Variants in SS18 observed in about 807,000 individuals in gnomAD.
The protein encoded by SS18 is SS18 subunit of BAF chromatin remodeling complex, also known as protein SSXT.
SS18 carries 28 observed loss-of-function variants against 72.5 expected under a neutral mutation model. That is an observed-to-expected ratio of 0.39 (90% CI 0.29 to 0.53). The LOEUF (loss-of-function observed/expected upper bound fraction) is 0.53. Ranked by LOEUF, SS18 falls within the 20% of genes least tolerant of loss-of-function variation. The probability of loss-of-function intolerance (pLI) is 0.76; values close to 1 mark genes in which losing one functional copy is unlikely to be tolerated. For missense variants in SS18, 518 were observed against 535.3 expected, an observed-to-expected ratio of 0.97 and a Z score of 0.32; for synonymous variants, 172 against 164.2, an observed-to-expected ratio of 1.05 and a Z score of -0.37.
intron 3 of SS18, among the ~76,000 whole-genome samples, chr18:26,073,741 A>G (rs575026286): frequency 3.3e-5 from 5 of 152,232 alleles, no homozygotes; most frequent in African/African-American, 1.2e-4. Flanking sequence ...TTGTAAATAA[A>G]TATTCAGTGA....
intron 3 of SS18, chr18:26,068,256 A>C (rs1022127653): frequency 6.6e-6 from 1 of 152,216 alleles, no homozygotes; most frequent in African/African-American, 2.4e-5. Flanking sequence ...GAGAATATAG[A>C]TGCTTTCTTT....
At chr18:26,045,857 T>G (rs556306045) in intron 5 of SS18, among the ~76,000 whole-genome samples, 41 of 151,992 alleles carry the variant, frequency 2.7e-4, no homozygotes, top group African/African-American at 9.4e-4. Context: ...AATGAGAAAA[T>G]ATTTAATTCA....
chr18:26,019,337 T>G (rs1354231764), intron 10 of SS18, among the ~76,000 whole-genome samples: 3 of 152,178 alleles, frequency 2.0e-5, no homozygotes, highest in Non-Finnish European at 4.4e-5. Flanking sequence ...CTGTTTCCTT[T>G]GGCTAAACAA....
At chr18:26,084,283 T>C (rs1262092427) in intron 2 of SS18, 2 of 152,064 alleles carry the variant, frequency 1.3e-5, no homozygotes, top group Admixed American at 6.6e-5. Context: ...AATGAAGGAA[T>C]AGGAAAAGAA....
chr18:26,047,733 C>G (rs2053853705), intron 5 of SS18, among the ~76,000 whole-genome samples: 1 of 152,136 alleles, frequency 6.6e-6, no homozygotes, highest in African/African-American at 2.4e-5. Flanking sequence ...GTCCCAGCTA[C>G]CTGGGACACT....
chr18:26,070,450 A>G (rs2054293127), intron 3 of SS18, among the ~76,000 whole-genome samples: 1 of 152,252 alleles, frequency 6.6e-6, no homozygotes, highest in Non-Finnish European at 1.5e-5. Context: ...CTCCTGGCTT[A>G]AAATTAAGAA....
intron 3 of SS18, among the ~76,000 whole-genome samples, chr18:26,072,111 G>C (rs1411817809): frequency 6.6e-6 from 1 of 151,940 alleles, no homozygotes; most frequent in African/African-American, 2.4e-5. Context: ...AACATATAGA[G>C]ACTTAAAATA....
At position 26,052,773 on chromosome 18, in the gene SS18, G is replaced by C; in HGVS notation, c.458C>G (p.Pro153Arg). 1 of 1,614,138 alleles carries C rather than the reference G, an allele frequency of 6.2e-7. No homozygotes were observed. The highest frequency in any genetic ancestry group is 8.5e-7 in the Non-Finnish European group (1 of 1,179,994). ...LNMTNSSMNM[P>R]SSSHGSMGGY... ...TCCCATGGATCCATGGCTACTTGAA[G>C]GCATATTCATGGAACTGTTTGTCAT... Residue 153 changes from proline (P) to arginine (R), a missense_variant, in exon 5 of 11, where the codon CCT becomes CGT. Pro to Arg is a moderately radical substitution (Grantham distance 103). Coordinates refer to ENST00000415083, the MANE Select transcript of SS18 (RefSeq NM_001007559.3).
chr18:26,069,330 G>T (rs1293675789), intron 3 of SS18, among the ~76,000 whole-genome samples: 2 of 151,890 alleles, frequency 1.3e-5, no homozygotes, highest in Middle Eastern at 3.4e-3. Context: ...AAATGAAGCT[G>T]ACACCACAGG....
chr18:26,064,617 TAAAAC>T (rs1488702353), intron 3 of SS18, among the ~76,000 whole-genome samples: 9 of 152,086 alleles, frequency 5.9e-5, no homozygotes, highest in Non-Finnish European at 1.0e-4. Flanking sequence ...GGAGCACTCT[TAAAAC>T]AAAAATTTTA....
intron 3 of SS18, among the ~76,000 whole-genome samples, chr18:26,065,359 G>C (rs931233776): frequency 3.3e-5 from 5 of 152,056 alleles, no homozygotes; most frequent in Admixed American, 3.3e-4. Flanking sequence ...CAGACAAACA[G>C]ACCAACAGAA....
At chr18:26,090,475 G>A (rs985385144) in intron 1 of SS18, 26 bp downstream of exon 1, 7 of 1,553,824 alleles carry the variant, frequency 4.5e-6, no homozygotes, top group Non-Finnish European at 5.2e-6. Flanking sequence ...TAAGGGCCTG[G>A]CATCCGCAAC....
intron 7 of SS18, among the ~76,000 whole-genome samples, chr18:26,037,722 A>G (rs189051939): frequency 1.3e-3 from 199 of 152,268 alleles, no homozygotes; most frequent in South Asian, 4.1e-3. Context: ...GATCATATAC[A>G]TGAATAAGGC....
chr18:26,044,155 A>G (rs1179954265), intron 5 of SS18, among the ~76,000 whole-genome samples: 1 of 152,194 alleles, frequency 6.6e-6, no homozygotes, highest in Non-Finnish European at 1.5e-5. Flanking sequence ...CTCAGAGTCT[A>G]AAGAAAAATA....
In SS18 at chr18:26,042,243, C is replaced by T. The variant is rs148241903; in HGVS notation, c.608-2787G>A. 4.9e-3 allele frequency among the ~76,000 whole-genome samples: 744 copies of T among 152,182 alleles called. 9 individuals are homozygous for T. Among genetic ancestry groups the T allele is most frequent in the African/African-American group, 0.017 (700 of 41,520 alleles). ...AAATTTGTACTGCAGAGTGAAATAG[C>T]ATTATAAAATGCATCTTCTACAACC... On this transcript the variant is annotated intron_variant, in intron 5 of 10. Transcript: ENST00000415083.
chr18:26,057,447 T>C (rs2054040737), intron 4 of SS18, 142 bp downstream of exon 4: 2 of 929,312 alleles, frequency 2.2e-6, no homozygotes, highest in Non-Finnish European at 3.3e-6. Context: ...CGTAGCTCTG[T>C]AGCTAACAAA....
intron 5 of SS18, among the ~76,000 whole-genome samples, chr18:26,042,140 G>A (rs1330424193): frequency 6.6e-6 from 1 of 152,010 alleles, no homozygotes; most frequent in Non-Finnish European, 1.5e-5. Context: ...TGCTACACTG[G>A]CAATGTATAT....
At position 26,018,065 on chromosome 18, in the gene SS18, T is replaced by C; in HGVS notation, c.*289A>G. On this transcript the variant is annotated 3_prime_UTR_variant, in exon 11 of 11. Coordinates refer to ENST00000415083, the MANE Select transcript of SS18 (RefSeq NM_001007559.3). ...GTTCACACCTTTCAGTCTGTAACAGTCCATTTGAAACACAGTTCCAAAATC... is the reference window on the plus strand; with the variant it reads ...GTTCACACCTTTCAGTCTGTAACAGCCCATTTGAAACACAGTTCCAAAATC... 3.1e-6 allele frequency: 1 copy of C among 325,866 alleles called. No individual in the cohort carries two copies. Among genetic ancestry groups the C allele is most frequent in the Non-Finnish European group, 5.7e-6 (1 of 176,868 alleles). 20.2% of individuals were successfully genotyped at this position (325,866 alleles called of 1,614,324 possible). A position where few individuals can be genotyped will look rare whatever the true frequency, so the allele number is the denominator to read the frequency against.
rs541582122 is a variant in SS18, at chr18:26,055,762, T to G, written c.385+1827A>C. On this transcript the variant is annotated intron_variant, in intron 4 of 10. Transcript: ENST00000415083. ...GAGAAATTCTTTCTGTTTTTTTTTT[T>G]TTTGTTTTTTTTTTTTGATGGAGTC... Among the ~76,000 whole-genome samples the G allele has an allele frequency of 4.5e-3, 656 of 146,506 alleles. 6 individuals carry two copies. Among genetic ancestry groups the G allele is most frequent in the African/African-American group, 0.011 (408 of 37,892 alleles).
Sources: allele counts gnomAD v4.1 joint callset (sites outside exome capture counted in the v4.1 genomes callset), GRCh38; gene constraint gnomAD v4.1.1; transcripts MANE v1.5; gene names NCBI Gene and HGNC (gene_info 2026-07-23, HGNC 2026-07-21).